Variants in TRHDE observed in about 807,000 individuals in gnomAD.
The protein encoded by TRHDE is thyrotropin-releasing hormone-degrading ectoenzyme.
A neutral mutation model predicts 125.7 loss-of-function variants in TRHDE; 72 were observed. That is an observed-to-expected ratio of 0.57 (90% CI 0.47 to 0.70). TRHDE has a LOEUF of 0.70. Among genes scored for constraint, TRHDE ranks in the 30% least tolerant of loss-of-function variants. The pLI is 0.00. For missense variants in TRHDE, 1,110 were observed against 1,327.1 expected, an observed-to-expected ratio of 0.84 and a Z score of 2.54; for synonymous variants, 509 against 509.1, an observed-to-expected ratio of 1.00 and a Z score of 0.00.
At chr12:72,558,903 T>A (rs1870045303) in intron 7 of TRHDE, among the ~76,000 whole-genome samples, 1 of 152,146 alleles carries the variant, frequency 6.6e-6, no homozygotes, top group Admixed American at 6.5e-5. Flanking sequence ...GACTCAGTTA[T>A]CTATGTGGCT....
At chr12:72,442,305 A>G (rs1266166322) in intron 3 of TRHDE, among the ~76,000 whole-genome samples, 2 of 151,818 alleles carry the variant, frequency 1.3e-5, no homozygotes, top group Non-Finnish European at 2.9e-5. Flanking sequence ...CTCCACAAAG[A>G]GAGGGCAGAG....
chr12:72,564,558 T>C (rs527835051), intron 9 of TRHDE, among the ~76,000 whole-genome samples: 26 of 151,912 alleles, frequency 1.7e-4, no homozygotes, highest in Admixed American at 3.9e-4. Context: ...GTCTGATTCT[T>C]TAAAGGAAGA....
chr12:72,296,056 C>T (rs1592526479), intron 2 of TRHDE, among the ~76,000 whole-genome samples: 1 of 152,150 alleles, frequency 6.6e-6, no homozygotes, highest in South Asian at 2.1e-4. Flanking sequence ...AGCTTTCTTG[C>T]CAGCTCCTTT....
chr12:72,332,655 T>C (rs1170499216), intron 2 of TRHDE, among the ~76,000 whole-genome samples: 3 of 152,208 alleles, frequency 2.0e-5, no homozygotes, highest in Admixed American at 1.3e-4. Context: ...CAACTAATTA[T>C]TTATTTCAAA....
chr12:72,605,379 A>AT (rs1224756596), intron 12 of TRHDE, among the ~76,000 whole-genome samples: 1 of 152,156 alleles, frequency 6.6e-6, no homozygotes, highest in Non-Finnish European at 1.5e-5. Flanking sequence ...GACTCAATGT[A>AT]TTTTTTTAGC....
chr12:72,550,762 A>G (rs1486220427), intron 7 of TRHDE, among the ~76,000 whole-genome samples: 1 of 151,918 alleles, frequency 6.6e-6, no homozygotes. Flanking sequence ...TTTTAGGAGC[A>G]TAGTATCAAT....
chr12:72,158,598 T>G (rs1316208602), intron 2 of TRHDE, among the ~76,000 whole-genome samples: 1 of 152,162 alleles, frequency 6.6e-6, no homozygotes, highest in Middle Eastern at 3.2e-3. Context: ...TGGTATTACT[T>G]TTTAAATACA....
chr12:72,096,602 G>T (rs1874928485), intron 1 of TRHDE, among the ~76,000 whole-genome samples: 1 of 152,186 alleles, frequency 6.6e-6, no homozygotes, highest in Non-Finnish European at 1.5e-5. Context: ...GGTTGTTTTT[G>T]TTCTGTCCAG....
intron 2 of TRHDE, among the ~76,000 whole-genome samples, chr12:72,114,976 G>A (rs1875408268): frequency 1.3e-5 from 2 of 151,700 alleles, no homozygotes; most frequent in African/African-American, 4.8e-5. Flanking sequence ...TGGGTATATA[G>A]CAGGTACATA....
chr12:72,402,268 T>TA (rs35528307), intron 3 of TRHDE, among the ~76,000 whole-genome samples: 16,463 of 146,438 alleles, frequency 0.11, 1,342 homozygotes, highest in East Asian at 0.48. Flanking sequence ...GCTGATGAGC[T>TA]AAAAAAAAAA....
chr12:72,614,887 G>A (rs1221476954), intron 12 of TRHDE, among the ~76,000 whole-genome samples: 1 of 152,096 alleles, frequency 6.6e-6, no homozygotes, highest in Non-Finnish European at 1.5e-5. Context: ...TAAGGTCAGA[G>A]CATTTCAACA....
chr12:72,469,209 C>T (rs1876528049), intron 3 of TRHDE, among the ~76,000 whole-genome samples: 1 of 151,940 alleles, frequency 6.6e-6, no homozygotes, highest in African/African-American at 2.4e-5. Context: ...TATTTTTTTT[C>T]CATTATATCC....
At chr12:72,311,477 G>T (rs560678998) in intron 2 of TRHDE, among the ~76,000 whole-genome samples, 84 of 152,150 alleles carry the variant, frequency 5.5e-4, no homozygotes, top group Non-Finnish European at 9.0e-4. Flanking sequence ...AGTCTTCATG[G>T]ATGGAATCAG....
intron 3 of TRHDE, among the ~76,000 whole-genome samples, chr12:72,402,788 G>T (rs938340334): frequency 6.6e-6 from 1 of 151,894 alleles, no homozygotes; most frequent in African/African-American, 2.4e-5. Context: ...TTTCTGTAGG[G>T]CACAACTTTT....
At chr12:72,265,541 C>A (rs190008806) in intron 2 of TRHDE, among the ~76,000 whole-genome samples, 268 of 151,082 alleles carry the variant, frequency 1.8e-3, no homozygotes, top group African/African-American at 6.2e-3. Context: ...AAGGCATGAA[C>A]CCCACCCCCC....
intron 2 of TRHDE, among the ~76,000 whole-genome samples, chr12:72,108,898 G>A (rs1034290918): frequency 6.6e-6 from 1 of 152,014 alleles, no homozygotes; most frequent in Non-Finnish European, 1.5e-5. Flanking sequence ...AGGCCACTGG[G>A]GAGGGAAGCA....
At chr12:72,418,765 A>G (rs1873833304) in intron 3 of TRHDE, among the ~76,000 whole-genome samples, 1 of 152,186 alleles carries the variant, frequency 6.6e-6, no homozygotes, top group Admixed American at 6.6e-5. Flanking sequence ...TAAGAAAAAT[A>G]AAATATAGAG....
intron 6 of TRHDE, among the ~76,000 whole-genome samples, chr12:72,518,794 T>A (rs985406908): frequency 2.0e-5 from 3 of 152,232 alleles, no homozygotes; most frequent in Non-Finnish European, 4.4e-5. Flanking sequence ...TGGTCGTTCC[T>A]TTCCATGTTT....
At chr12:72,470,005 A>G in intron 4 of TRHDE, 93 bp downstream of exon 4, 1 of 1,317,864 alleles carries the variant, frequency 7.6e-7, no homozygotes, top group East Asian at 2.4e-5. Context: ...TTATCCTCCC[A>G]AAGAAGTTTT....
Sources: gnomAD v4.1 joint callset for allele counts (sites outside exome capture counted in the v4.1 genomes callset) on GRCh38, gnomAD v4.1.1 for gene constraint, MANE v1.5 for transcripts, NCBI Gene and HGNC (gene_info 2026-07-23, HGNC 2026-07-21) for gene names.